The following TRIP12 variants were observed in gnomAD, a reference collection of about 807,000 sequenced individuals.
TRIP12 encodes E3 ubiquitin-protein ligase TRIP12.
Under a neutral mutation model 244.2 loss-of-function variants are expected in TRIP12, and 25 were observed. That is an observed-to-expected ratio of 0.10 (90% CI 0.07 to 0.14). TRIP12 has a LOEUF of 0.14. Among genes scored for constraint, TRIP12 ranks in the 10% least tolerant of loss-of-function variants. The probability of loss-of-function intolerance (pLI) is 1.00; values close to 1 mark genes in which losing one functional copy is unlikely to be tolerated. For missense variants in TRIP12, 1,677 were observed against 2,486.4 expected, an observed-to-expected ratio of 0.67 and a Z score of 6.92; for synonymous variants, 905 against 873.1, an observed-to-expected ratio of 1.04 and a Z score of -0.64.
At chr2:229,891,087 C>T (rs1293159457) in intron 1 of TRIP12, among the ~76,000 whole-genome samples, 3 of 152,066 alleles carry the variant, frequency 2.0e-5, no homozygotes, top group Admixed American at 1.3e-4. Flanking sequence ...CAAGACCAGT[C>T]TGGGCAATAT....
chr2:229,818,995 T>G (rs545024164), intron 8 of TRIP12, among the ~76,000 whole-genome samples: 1 of 150,622 alleles, frequency 6.6e-6, no homozygotes, highest in Non-Finnish European at 1.5e-5. Context: ...CAACAACGTA[T>G]CTAACAAAAA....
chr2:229,790,816 CTT>C (rs1466381377), intron 30 of TRIP12, among the ~76,000 whole-genome samples: 2 of 152,184 alleles, frequency 1.3e-5, no homozygotes, highest in Non-Finnish European at 2.9e-5. Flanking sequence ...CCTTCAGTCT[CTT>C]GTTTAGTGAA....
chr2:229,832,911 T>C (rs1415264151), intron 6 of TRIP12, among the ~76,000 whole-genome samples: 1 of 152,216 alleles, frequency 6.6e-6, no homozygotes, highest in East Asian at 1.9e-4. Context: ...TCCATCTATG[T>C]AGGAAGCAAA....
At chr2:229,894,320 C>A (rs2068159146) in intron 1 of TRIP12, 1 of 152,164 alleles carries the variant, frequency 6.6e-6, no homozygotes, top group Non-Finnish European at 1.5e-5. Context: ...AATATCATTT[C>A]AAGCTTTTTA....
At chr2:229,889,909 GA>G (rs2066918747) in intron 1 of TRIP12, among the ~76,000 whole-genome samples, 1 of 152,136 alleles carries the variant, frequency 6.6e-6, no homozygotes, top group African/African-American at 2.4e-5. Context: ...GTACCCTGTA[GA>G]TTACAGCAAA....
At chr2:229,919,253 T>C (rs922481672) in intron 1 of TRIP12, among the ~76,000 whole-genome samples, 1 of 151,940 alleles carries the variant, frequency 6.6e-6, no homozygotes, top group African/African-American at 2.4e-5. Flanking sequence ...CTGTCTCTAC[T>C]AAAAATGCAA....
At chr2:229,769,996 A>G (rs191241223) in intron 39 of TRIP12, among the ~76,000 whole-genome samples, 1 of 152,284 alleles carries the variant, frequency 6.6e-6, no homozygotes, top group Admixed American at 6.5e-5. Context: ...TTAAAGACAA[A>G]GCTTTGCTCT....
upstream of TRIP12, chr2:229,922,537 T>C (rs1402173055): frequency 3.7e-6 from 6 of 1,613,812 alleles, no homozygotes; most frequent in Non-Finnish European, 5.1e-6. Flanking sequence ...TGCCGGAGAC[T>C]CTCTTTGAAA....
intron 34 of TRIP12, among the ~76,000 whole-genome samples, chr2:229,781,010 G>C (rs1340005321): frequency 1.3e-5 from 2 of 152,232 alleles, no homozygotes; most frequent in African/African-American, 2.4e-5. Context: ...TTCAACAGAA[G>C]TCACAGATCA....
intron 2 of TRIP12, among the ~76,000 whole-genome samples, chr2:229,870,939 T>C (rs2062457300): frequency 6.6e-6 from 1 of 151,984 alleles, no homozygotes; most frequent in African/African-American, 2.4e-5. Context: ...TACGGGAGGC[T>C]GAGGGGGAGG....
At chr2:229,865,166 G>T (rs997860118) in intron 2 of TRIP12, among the ~76,000 whole-genome samples, 1 of 151,784 alleles carries the variant, frequency 6.6e-6, no homozygotes, top group Non-Finnish European at 1.5e-5. Flanking sequence ...ACAAAAATTA[G>T]CAGGGTGTAG....
chr2:229,814,385 T>G, intron 11 of TRIP12, 60 bp from the exon 12 acceptor site: 2 of 1,505,298 alleles, frequency 1.3e-6, no homozygotes, highest in Non-Finnish European at 9.2e-7. Flanking sequence ...CAATAACTTA[T>G]CTTCTACATA....
chr2:229,847,307 C>T (rs1170615248), intron 4 of TRIP12, among the ~76,000 whole-genome samples: 1 of 152,196 alleles, frequency 6.6e-6, no homozygotes, highest in African/African-American at 2.4e-5. Flanking sequence ...TGAAATTTAA[C>T]GGACATCAAA....
intron 6 of TRIP12, among the ~76,000 whole-genome samples, chr2:229,832,841 G>A (rs2053799687): frequency 1.3e-5 from 2 of 152,112 alleles, no homozygotes. Flanking sequence ...TGCTGTTAAC[G>A]AATACTGTTA....
intron 4 of TRIP12, among the ~76,000 whole-genome samples, chr2:229,857,061 A>G (rs2059716344): frequency 6.6e-6 from 1 of 152,190 alleles, no homozygotes; most frequent in Admixed American, 6.5e-5. Context: ...TGCAGTGTTA[A>G]ATTAAACAGA....
At chr2:229,900,717 G>T (rs1388015361) in intron 1 of TRIP12, 1 of 151,826 alleles carries the variant, frequency 6.6e-6, no homozygotes, top group Non-Finnish European at 1.5e-5. Flanking sequence ...CAAAAATTAG[G>T]TGGGCGTGGT....
chr2:229,777,754 A>G (rs2036745734), intron 36 of TRIP12, among the ~76,000 whole-genome samples: 1 of 152,242 alleles, frequency 6.6e-6, no homozygotes, highest in Non-Finnish European at 1.5e-5. Flanking sequence ...AGAAAACTAA[A>G]TGGAACTTCT....
chr2:229,909,555 T>A (rs1577073668), intron 1 of TRIP12, among the ~76,000 whole-genome samples: 3 of 147,284 alleles, frequency 2.0e-5, no homozygotes, highest in African/African-American at 7.6e-5. Context: ...TGAGACCTTG[T>A]CTAAAAAAAA....
chr2:229,856,031 C>T (rs2059553720), intron 4 of TRIP12, among the ~76,000 whole-genome samples: 1 of 148,374 alleles, frequency 6.7e-6, no homozygotes, highest in Admixed American at 6.7e-5. Flanking sequence ...TACAGCAAGA[C>T]TCTGTCTCAG....
Sources: gnomAD v4.1 joint callset for allele counts (sites outside exome capture counted in the v4.1 genomes callset) on GRCh38, gnomAD v4.1.1 for gene constraint, MANE v1.5 for transcripts, NCBI Gene and HGNC (gene_info 2026-07-23, HGNC 2026-07-21) for gene names.